The following ANKRD11 variants were observed in gnomAD, a reference collection of about 807,000 sequenced individuals.
ANKRD11 encodes the protein ankyrin repeat domain 11, also known as ankyrin repeat domain-containing protein 11.
A neutral mutation model predicts 195.7 loss-of-function variants in ANKRD11; 17 were observed. That is an observed-to-expected ratio of 0.09 (90% confidence interval 0.06 to 0.13). ANKRD11 has a LOEUF of 0.13. Among genes scored for constraint, ANKRD11 ranks in the 10% least tolerant of loss-of-function variants. ANKRD11 has a pLI of 1.00. For missense variants in ANKRD11, 3,735 were observed against 3,566.1 expected (o/e 1.05, Z -1.21); for synonymous variants, 1,953 against 1,528.1 (o/e 1.28, Z -6.49).
intron 2 of ANKRD11, among the ~76,000 whole-genome samples, chr16:89,372,215 G>T (rs1454202259): frequency 1.3e-5 from 2 of 152,238 alleles, no homozygotes; most frequent in African/African-American, 4.8e-5. Flanking sequence ...GATGGATCCT[G>T]ACACTCAGAG....
rs1373571533 is a variant in ANKRD11 at position 89,291,109 on chromosome 16, C to T, written c.301G>A (p.Gly101Arg). 1.7e-5 allele frequency: 28 copies of T among 1,613,812 alleles called. No individual in the cohort carries two copies. Among genetic ancestry groups the T allele is most frequent in the Non-Finnish European group, 2.4e-5 (28 of 1,179,964 alleles). Residue 101 changes from glycine (G) to arginine (R), a missense_variant, in exon 5 of 13, where the codon GGG becomes AGG. By Grantham distance (125) the Gly-to-Arg change is moderately radical. Coordinates refer to ENST00000301030, the MANE Select transcript of ANKRD11 (RefSeq NM_013275.6). The surrounding 1 kb of genome is among the most constrained non-coding windows in gnomAD (Gnocchi z 5.3). ...TRKAGLLFGM[G>R]LSGIRAGYPL... Reference sequence around the variant, plus strand: ...TAGCCGGCTCGGATTCCAGACAGCCCCATGCCAAACAGCAGCCCGGCCTTC... The same window carrying T: ...TAGCCGGCTCGGATTCCAGACAGCCTCATGCCAAACAGCAGCCCGGCCTTC...
At chr16:89,365,459 A>T (rs2039904763) in intron 2 of ANKRD11, among the ~76,000 whole-genome samples, 1 of 152,200 alleles carries the variant, frequency 6.6e-6, no homozygotes, top group Admixed American at 6.5e-5. Flanking sequence ...CCCAGATGAG[A>T]GGCCTGTGCT....
intron 2 of ANKRD11, among the ~76,000 whole-genome samples, chr16:89,405,252 T>C (rs1424037492): frequency 2.0e-5 from 3 of 152,166 alleles, no homozygotes; most frequent in South Asian, 4.1e-4. Context: ...CGGTCTGTTG[T>C]GGAACAAAAT....
chr16:89,290,293 C>G (rs71372800), intron 6 of ANKRD11, among the ~76,000 whole-genome samples: 68,235 of 91,792 alleles, frequency 0.74, 25,153 homozygotes, highest in Non-Finnish European at 0.78. Context: ...GGGCTCCAGC[C>G]GGGGGAGGCT....
Position 89,282,650 on chromosome 16 carries a change from C to CGTT in ANKRD11, c.3889_3891dup (p.Asn1297dup), listed in dbSNP as rs778998883. On this transcript the variant is annotated inframe_insertion, in exon 9 of 13. Coordinates refer to ENST00000301030, the MANE Select transcript of ANKRD11 (RefSeq NM_013275.6). ...TCAGAGGAGACCTCGCTGATTTTATCGTTGGAGTCTTCTCTGTACTCATGG... is the reference window on the plus strand; with the variant it reads ...TCAGAGGAGACCTCGCTGATTTTATCGTTGTTGGAGTCTTCTCTGTACTCATGG... 4.8e-5 allele frequency: 77 copies of CGTT among 1,614,158 alleles called. No individual in the cohort carries two copies. In the African/African-American group the frequency reaches 8.9e-4, roughly 19 times the overall value.
chr16:89,440,687 C>G (rs982439472), intron 1 of ANKRD11, among the ~76,000 whole-genome samples: 1 of 152,056 alleles, frequency 6.6e-6, no homozygotes, highest in Non-Finnish European at 1.5e-5. Context: ...ACTAAGGGCC[C>G]CAAAAAATCC....
intron 2 of ANKRD11, among the ~76,000 whole-genome samples, chr16:89,372,320 G>A (rs1240179132): frequency 6.6e-6 from 1 of 152,174 alleles, no homozygotes; most frequent in Non-Finnish European, 1.5e-5. Flanking sequence ...AGCGCCCAGC[G>A]ACGGATGCGG....
At chr16:89,357,229 C>T (rs941527454) in intron 2 of ANKRD11, among the ~76,000 whole-genome samples, 5 of 152,114 alleles carry the variant, frequency 3.3e-5, no homozygotes, top group African/African-American at 1.2e-4. Flanking sequence ...TCAGCTTCAA[C>T]ACACCCAGGA....
chr16:89,439,189 G>T (rs1309648889), intron 1 of ANKRD11, among the ~76,000 whole-genome samples: 3 of 152,114 alleles, frequency 2.0e-5, no homozygotes, highest in Admixed American at 6.5e-5. Context: ...CCGCAGCACT[G>T]AAGGTTCAAG....
chr16:89,374,953 T>C (rs2040355343), intron 2 of ANKRD11, among the ~76,000 whole-genome samples: 6 of 152,134 alleles, frequency 3.9e-5, no homozygotes. Flanking sequence ...AAGTATGTCA[T>C]GAATGTACAA....
rs768263720 is a variant in ANKRD11 at position 89,284,531 on chromosome 16, C to T, written c.2011G>A (p.Ala671Thr). The part of the protein sequence containing the change: ...YEDSKQKSDK[A>T]ILLENDLSTE... ...GAAAGATCATTCTCTAACAGTATAG[C>T]CTTATCTGACTTCTGCTTGGAGTCC... Residue 671 changes from alanine (A) to threonine (T), a missense_variant, in exon 9 of 13, where the codon GCT (alanine) becomes ACT (threonine). Coordinates refer to ENST00000301030, the MANE Select transcript of ANKRD11 (RefSeq NM_013275.6). 2 of 1,614,074 alleles carry T rather than the reference C, an allele frequency of 1.2e-6. No individual in the cohort carries two copies. Among genetic ancestry groups the T allele is most frequent in the Non-Finnish European group, 1.7e-6 (2 of 1,180,034 alleles).
intron 1 of ANKRD11, among the ~76,000 whole-genome samples, chr16:89,472,210 A>C (rs1040685458): frequency 2.0e-5 from 3 of 152,208 alleles, no homozygotes; most frequent in African/African-American, 7.2e-5. Context: ...CGCAGGACAC[A>C]GCTAAGGAAG....
Position 89,286,099 on chromosome 16 carries a change from T to C in ANKRD11, c.832A>G (p.Thr278Ala), listed in dbSNP as rs755077107. The C allele has an allele frequency of 1.5e-5, 24 of 1,614,222 alleles. No individual in the cohort carries two copies. The highest frequency in any genetic ancestry group is 2.0e-5 in the Non-Finnish European group (24 of 1,180,038). The change falls in exon 8 of 13, where the codon ACG becomes GCG. Residue 278 changes from threonine (T) to alanine (A), a missense_variant. Transcript: ENST00000301030. ...TTGCCTAACAGGAGGTTCACCATCG[T>C]GGGGGAGTTGGCCACTTTCAGCGGC... ...ETPLKVANSP[T>A]MVNLLLGKGT...
At chr16:89,441,140 G>A (rs1210726618) in intron 1 of ANKRD11, among the ~76,000 whole-genome samples, 1 of 151,892 alleles carries the variant, frequency 6.6e-6, no homozygotes, top group Non-Finnish European at 1.5e-5. Context: ...GGAGGCTGAG[G>A]CAGGAAAATG....
chr16:89,457,061 G>A (rs2965814), intron 1 of ANKRD11, among the ~76,000 whole-genome samples: 69,666 of 146,666 alleles, frequency 0.47, 17,061 homozygotes, highest in Middle Eastern at 0.68. Flanking sequence ...CCGGGTTCAC[G>A]CCATTCTCCT....
intron 2 of ANKRD11, among the ~76,000 whole-genome samples, chr16:89,368,198 C>T (rs1191298207): frequency 1.3e-5 from 2 of 151,360 alleles, no homozygotes; most frequent in African/African-American, 4.9e-5. Flanking sequence ...AACATGTTTT[C>T]GAGCTTTTTT....
At chr16:89,415,853 A>AAAAAAAAAAAACAC (rs2042286310) in intron 2 of ANKRD11, among the ~76,000 whole-genome samples, 1 of 147,858 alleles carries the variant, frequency 6.8e-6, no homozygotes, top group African/African-American at 2.5e-5. Flanking sequence ...AAAAAAAACA[A>AAAAAAAAAAAACAC]TGGAGAACCA....
intron 2 of ANKRD11, among the ~76,000 whole-genome samples, chr16:89,396,585 T>C (rs1409095306): frequency 6.6e-6 from 1 of 152,194 alleles, no homozygotes. Flanking sequence ...TACCACAGAC[T>C]GATGCAGGAA....
At chr16:89,428,766 C>G (rs534796153) in intron 1 of ANKRD11, among the ~76,000 whole-genome samples, 1 of 151,892 alleles carries the variant, frequency 6.6e-6, no homozygotes, top group Non-Finnish European at 1.5e-5. Flanking sequence ...TGGTGGCAGG[C>G]GCCTGTAGTC....
Sources: allele counts gnomAD v4.1 joint callset (sites outside exome capture counted in the v4.1 genomes callset), GRCh38; gene constraint gnomAD v4.1.1; non-coding constraint Gnocchi (gnomAD v3.1); transcripts MANE v1.5; gene names NCBI Gene and HGNC (gene_info 2026-07-23, HGNC 2026-07-21).